RBFOX3: variants seen among roughly 807,000 people sequenced by gnomAD.
The protein encoded by RBFOX3 is RNA binding fox-1 homolog 3.
RBFOX3 carries 17 observed loss-of-function variants against 48.7 expected under a neutral mutation model. That is an observed-to-expected ratio of 0.35 (90% CI 0.24 to 0.52). The LOEUF is 0.52. Ranked by LOEUF, RBFOX3 falls within the 20% of genes least tolerant of loss-of-function variation. The probability of loss-of-function intolerance (pLI) is 0.94; values close to 1 mark genes in which losing one functional copy is unlikely to be tolerated. For synonymous variants in RBFOX3, 212 were observed against 209.5 expected (o/e 1.01, Z -0.10); for missense variants, 382 against 497.5 (o/e 0.77, Z 2.21).
At position 79,359,075 on chromosome 17, in the gene RBFOX3, C is replaced by G. The variant is rs189887459; in HGVS notation, c.-174-51251G>C. Reference sequence around the variant, plus strand: ...TTTGCACCAGGCCAGGTGTATCCATCAACACATCCTGTAATCCTCTCTACA... The same window carrying G: ...TTTGCACCAGGCCAGGTGTATCCATGAACACATCCTGTAATCCTCTCTACA... On this transcript the variant is annotated intron_variant, in intron 2 of 14. Transcript: ENST00000693108. 3.2e-3 allele frequency among the ~76,000 whole-genome samples: 480 copies of G among 152,332 alleles called. 3 individuals carry two copies. The highest frequency in any genetic ancestry group is 0.01 in the African/African-American group (417 of 41,570).
chr17:79,292,612 ACACATACATG>A (rs1567988435), intron 3 of RBFOX3, among the ~76,000 whole-genome samples: 2 of 68,862 alleles, frequency 2.9e-5, no homozygotes, highest in African/African-American at 1.1e-4. Context: ...ACACACACAC[ACACATACATG>A]CAGACCCAGT....
chr17:79,547,271 A>G (rs1555792194), intron 1 of RBFOX3, among the ~76,000 whole-genome samples: 1 of 151,978 alleles, frequency 6.6e-6, no homozygotes. Flanking sequence ...ACACGGTGAA[A>G]CTCCGTCTCT....
chr17:79,627,291 T>A, the RBFOX3 span, among the ~76,000 whole-genome samples: 10 of 152,234 alleles, frequency 6.6e-5, no homozygotes, highest in African/African-American at 2.2e-4. Context: ...TCAACATAGC[T>A]TCCCCCACCC....
Position 79,443,322 on chromosome 17 carries a change from A to ACACT in RBFOX3, c.-175+39128_-175+39131dup, listed in dbSNP as rs2071543548. ...ACCAGGCCAAGGCCTTGCCAAACAC[A>ACACT]CACTCACATAAATGCAGTCATGCTT... On this transcript the variant is annotated intron_variant, in intron 2 of 14. Coordinates refer to ENST00000693108, the MANE Select transcript of RBFOX3 (RefSeq NM_001350451.2). This position sits in a 1 kb window ranked among gnomAD's most constrained non-coding sequence, Gnocchi z 4.4. Among the ~76,000 whole-genome samples the ACACT allele has an allele frequency of 6.6e-6, 1 of 151,978 alleles. No individual in the cohort carries two copies. Among genetic ancestry groups the ACACT allele is most frequent in the Admixed American group, 6.5e-5 (1 of 15,270 alleles).
chr17:79,316,770 T>C (rs2077595610), intron 2 of RBFOX3, among the ~76,000 whole-genome samples: 1 of 152,266 alleles, frequency 6.6e-6, no homozygotes, highest in Admixed American at 6.5e-5. Flanking sequence ...AGATAACAGA[T>C]AATGTTTTCA....
At chr17:79,146,421 ACGTGACTC>A (rs1235005594) in intron 4 of RBFOX3, among the ~76,000 whole-genome samples, 1 of 152,212 alleles carries the variant, frequency 6.6e-6, no homozygotes. Context: ...GCAAGAGGGT[ACGTGACTC>A]CATCCTAAAT....
intron 3 of RBFOX3, among the ~76,000 whole-genome samples, chr17:79,269,192 C>A (rs755027055): frequency 3.4e-4 from 51 of 152,176 alleles, no homozygotes; most frequent in South Asian, 8.3e-4. Flanking sequence ...TGATGCTGTC[C>A]CCGCCAAGTA....
intron 1 of RBFOX3, among the ~76,000 whole-genome samples, chr17:79,498,899 T>TCCATCCAC (rs2081997253): frequency 7.0e-6 from 1 of 143,860 alleles, no homozygotes; most frequent in Admixed American, 6.9e-5. Flanking sequence ...CATCCATCCA[T>TCCATCCAC]CCATCCATAT....
chr17:79,647,444 C>T, the RBFOX3 span, among the ~76,000 whole-genome samples: 1 of 152,166 alleles, frequency 6.6e-6, no homozygotes, highest in African/African-American at 2.4e-5. Flanking sequence ...AGCAATGCCT[C>T]CAGCTAATTC....
chr17:79,190,272 G>A (rs568584194), intron 4 of RBFOX3, among the ~76,000 whole-genome samples: 2 of 152,286 alleles, frequency 1.3e-5, no homozygotes, highest in Admixed American at 1.3e-4. Context: ...TTAGCCAGGC[G>A]TGGTGACACA....
intron 4 of RBFOX3, among the ~76,000 whole-genome samples, chr17:79,202,448 G>C (rs1033123440): frequency 5.9e-5 from 9 of 152,260 alleles, no homozygotes; most frequent in South Asian, 2.1e-4. Flanking sequence ...CACTGCTAGG[G>C]GTGCTGGGAG....
intron 1 of RBFOX3, among the ~76,000 whole-genome samples, chr17:79,520,542 G>C (rs2085910940): frequency 6.6e-6 from 1 of 152,252 alleles, no homozygotes; most frequent in Non-Finnish European, 1.5e-5. Context: ...CACACCGCCT[G>C]CCCCCTGCCA....
chr17:79,236,639 T>C (rs1362010463), intron 3 of RBFOX3, among the ~76,000 whole-genome samples: 1 of 152,208 alleles, frequency 6.6e-6, no homozygotes, highest in Non-Finnish European at 1.5e-5. Context: ...TTGTATGTTA[T>C]TGTGAATCAG....
intron 1 of RBFOX3, among the ~76,000 whole-genome samples, chr17:79,551,379 A>G (rs1234190179): frequency 6.6e-6 from 1 of 152,004 alleles, no homozygotes; most frequent in Non-Finnish European, 1.5e-5. Flanking sequence ...GCAATCCCCA[A>G]TGTTGGAGGT....
chr17:79,103,957 G>T lies in RBFOX3; in HGVS notation c.414+116C>A. 1.2e-6 allele frequency: 1 copy of T among 834,996 alleles called. No homozygotes were observed. Among genetic ancestry groups the T allele is most frequent in the South Asian group, 1.5e-5 (1 of 65,768 alleles). 51.7% of individuals were successfully genotyped at this position (834,996 alleles called of 1,614,324 possible). On this transcript the variant is annotated intron_variant, in intron 7 of 14. Coordinates refer to ENST00000693108, the MANE Select transcript of RBFOX3 (RefSeq NM_001350451.2). This position sits in a 1 kb window ranked among gnomAD's most constrained non-coding sequence, Gnocchi z 6.1. ...AAGAGCGGGGAATACAAGCACCCGT[G>T]TCGCTCAGGGGTCCTCGGGCGCGAA...
intron 2 of RBFOX3, among the ~76,000 whole-genome samples, chr17:79,395,378 A>G (rs2061863376): frequency 6.6e-6 from 1 of 152,176 alleles, no homozygotes; most frequent in African/African-American, 2.4e-5. Context: ...GGGAGGAACC[A>G]CACTTCCTGG....
chr17:79,092,286 C>T lies in RBFOX3; in HGVS notation c.1078-1401G>A, dbSNP rs867767563. On this transcript the variant is annotated intron_variant, in intron 14 of 14. Coordinates refer to ENST00000693108, the MANE Select transcript of RBFOX3 (RefSeq NM_001350451.2). ...CTGGTCTCCTGGCCCAGCCTGGACC[C>T]CACGGTGTGCACACCGTACCTGCAA... is the stretch of plus-strand genomic sequence containing the variant. 6.1e-6 allele frequency: 6 copies of T among 985,498 alleles called. 1 individual carries two copies. The Middle Eastern group carries it at 1.6e-3, about 257-fold the overall frequency. The allele number at this position is 985,498 out of a possible 1,614,324, so 61.0% of individuals were successfully genotyped here.
intron 2 of RBFOX3, among the ~76,000 whole-genome samples, chr17:79,394,512 G>C (rs2061749505): frequency 6.6e-6 from 1 of 152,228 alleles, no homozygotes; most frequent in Non-Finnish European, 1.5e-5. Flanking sequence ...AGCCACGCCA[G>C]CCTCAAGGGC....
chr17:79,615,520 A>G (rs2093990291), upstream of RBFOX3, among the ~76,000 whole-genome samples: 3 of 152,244 alleles, frequency 2.0e-5, no homozygotes, highest in African/African-American at 7.2e-5. Flanking sequence ...TAGGGCTCAG[A>G]CATGTAGAGG....
Sources: gnomAD v4.1 joint callset for allele counts (sites outside exome capture counted in the v4.1 genomes callset) on GRCh38, gnomAD v4.1.1 for gene constraint, Gnocchi (gnomAD v3.1) non-coding constraint, MANE v1.5 for transcripts, NCBI Gene and HGNC (gene_info 2026-07-23, HGNC 2026-07-21) for gene names.